The following RYR2 variants were observed in gnomAD, a reference collection of about 807,000 sequenced individuals.
The protein encoded by RYR2 is cardiac muscle ryanodine receptor-calcium release channel.
A neutral mutation model predicts 601.1 loss-of-function variants in RYR2; 227 were observed. The observed-to-expected ratio is 0.38, with a 90% CI of 0.34 to 0.42. The LOEUF is 0.42. RYR2 is among the 10% of genes least tolerant of loss of function. RYR2 has a pLI of 1.00. For synonymous variants in RYR2, 2,223 were observed against 2,175.1 expected (o/e 1.02, Z -0.61); for missense variants, 4,646 against 6,156.5 (o/e 0.75, Z 8.21).
intron 25 of RYR2, among the ~76,000 whole-genome samples, chr1:237,541,894 A>C (rs1017578046): frequency 6.6e-6 from 1 of 152,036 alleles, no homozygotes; most frequent in African/African-American, 2.4e-5. Context: ...TTTGTGGTGG[A>C]ATGTCATCAG....
intron 2 of RYR2, among the ~76,000 whole-genome samples, chr1:237,284,678 A>ATG (rs1558554539): frequency 2.5e-5 from 1 of 40,088 alleles, no homozygotes; most frequent in Non-Finnish European, 4.0e-5. Flanking sequence ...ATATATATAT[A>ATG]TATGTACACA....
At chr1:237,044,184 GGT>G (rs1491260214) in intron 1 of RYR2, among the ~76,000 whole-genome samples, 2 of 38,528 alleles carry the variant, frequency 5.2e-5, no homozygotes, top group Non-Finnish European at 1.1e-4. Context: ...AGACTATAAG[GGT>G]TTTTTTTTTT....
intron 23 of RYR2, among the ~76,000 whole-genome samples, chr1:237,510,367 G>GGA (rs1558943584): frequency 6.6e-6 from 1 of 152,128 alleles, no homozygotes. Context: ...GAGACAAAGT[G>GGA]GAGATGACCT....
At chr1:237,242,034 A>C (rs1455407834) in intron 1 of RYR2, among the ~76,000 whole-genome samples, 1 of 152,190 alleles carries the variant, frequency 6.6e-6, no homozygotes, top group East Asian at 1.9e-4. Context: ...GAAAAGGTGG[A>C]TAGTAGATAG....
chr1:237,462,498 T>C (rs1372768605), intron 16 of RYR2, among the ~76,000 whole-genome samples: 1 of 152,202 alleles, frequency 6.6e-6, no homozygotes, highest in African/African-American at 2.4e-5. Context: ...ATCTGTGGGA[T>C]GCTTACAAGA....
intron 3 of RYR2, among the ~76,000 whole-genome samples, chr1:237,339,450 T>A (rs531858114): frequency 6.6e-6 from 1 of 152,264 alleles, no homozygotes; most frequent in South Asian, 2.1e-4. Flanking sequence ...AACAGTAATA[T>A]ATGAGTATAA....
intron 87 of RYR2, among the ~76,000 whole-genome samples, chr1:237,774,693 C>T (rs1271499656): frequency 1.3e-5 from 2 of 152,164 alleles, no homozygotes; most frequent in Non-Finnish European, 1.5e-5. Flanking sequence ...CCTTACCTCT[C>T]CTGGCTTCCA....
chr1:237,112,556 T>C (rs1669606493), intron 1 of RYR2, among the ~76,000 whole-genome samples: 1 of 137,684 alleles, frequency 7.3e-6, no homozygotes, highest in Non-Finnish European at 1.5e-5. Context: ...ACCTCTTCTT[T>C]CTAAGCTACA....
chr1:237,789,264 A>G (rs985057549), intron 92 of RYR2, among the ~76,000 whole-genome samples: 1 of 152,146 alleles, frequency 6.6e-6, no homozygotes, highest in Non-Finnish European at 1.5e-5. Flanking sequence ...TCAATGAACT[A>G]TAGAATTTCA....
chr1:237,686,949 A>G (rs1245360541), intron 62 of RYR2, among the ~76,000 whole-genome samples: 2 of 152,168 alleles, frequency 1.3e-5, no homozygotes, highest in South Asian at 2.1e-4. Flanking sequence ...AAGGTTGGGG[A>G]CGAAGGAGAT....
intron 80 of RYR2, among the ~76,000 whole-genome samples, chr1:237,752,164 A>C (rs556118606): frequency 6.6e-6 from 1 of 152,294 alleles, no homozygotes; most frequent in Admixed American, 6.5e-5. Flanking sequence ...CGCTCTCTTC[A>C]TGGATCTTCT....
chr1:237,778,820 G>A, intron 88 of RYR2, 50 bp downstream of exon 88: 2 of 856,368 alleles, frequency 2.3e-6, no homozygotes, highest in South Asian at 1.4e-5. Context: ...ACTGGAGACT[G>A]TAATCATCAG....
chr1:237,822,456 A>G (rs867678098), intron 101 of RYR2, among the ~76,000 whole-genome samples: 1 of 152,214 alleles, frequency 6.6e-6, no homozygotes, highest in Non-Finnish European at 1.5e-5. Flanking sequence ...GAGTAATAAA[A>G]TCCTTTACAG....
At chr1:237,437,127 C>T (rs1167696368) in intron 12 of RYR2, among the ~76,000 whole-genome samples, 2 of 151,918 alleles carry the variant, frequency 1.3e-5, no homozygotes, top group East Asian at 1.9e-4. Flanking sequence ...TCACTGCAAG[C>T]TCTGCCTCCT....
intron 43 of RYR2, 24 bp from the exon 44 acceptor site, chr1:237,634,865 T>A: frequency 6.4e-7 from 1 of 1,563,200 alleles, no homozygotes; most frequent in Non-Finnish European, 8.7e-7. Flanking sequence ...CCAGGTTATA[T>A]TTCATCTTCA....
rs568422596 is a variant in RYR2, at chr1:237,610,096, G to T, written c.4684-666G>T. On this transcript the variant is annotated intron_variant, in intron 35 of 104. Coordinates refer to ENST00000366574, the MANE Select transcript of RYR2 (RefSeq NM_001035.3). This position sits in a 1 kb window ranked among gnomAD's most constrained non-coding sequence, Gnocchi z 4.9. ...TATGGTCCCATAAGAGGCAGGCATC[G>T]GTGTTGTCAAGATCATAGATAAATG... Among the ~76,000 whole-genome samples, 21 of 152,078 alleles carry T rather than the reference G, an allele frequency of 1.4e-4. No homozygotes were observed. The highest frequency in any genetic ancestry group is 3.1e-4 in the Non-Finnish European group (21 of 68,024).
rs188213276 is a variant in RYR2 at position 237,294,951 on chromosome 1, C to T, written c.168+24335C>T. ...CTTATAGGCCAGGCATGGTGGCTTA[C>T]GCCTATAATCCCAGCAGTTTGGGAG... On this transcript the variant is annotated intron_variant, in intron 2 of 104. Transcript: ENST00000366574. Among the ~76,000 whole-genome samples the T allele has an allele frequency of 1.4e-3, 218 of 152,188 alleles. 1 individual carries two copies. The highest frequency in any genetic ancestry group is 5.0e-3 in the African/African-American group (209 of 41,514).
chr1:237,431,519 T>G (rs1706803962), intron 12 of RYR2, among the ~76,000 whole-genome samples: 1 of 152,204 alleles, frequency 6.6e-6, no homozygotes, highest in African/African-American at 2.4e-5. Flanking sequence ...TTAATAGAAT[T>G]TGGCAATAAT....
intron 94 of RYR2, among the ~76,000 whole-genome samples, chr1:237,793,163 C>G (rs1279928079): frequency 1.3e-5 from 2 of 152,170 alleles, no homozygotes; most frequent in Non-Finnish European, 2.9e-5. Flanking sequence ...GTGTGAAAAA[C>G]CAGGGCTCAG....
Sources: allele counts gnomAD v4.1 joint callset (sites outside exome capture counted in the v4.1 genomes callset), GRCh38; gene constraint gnomAD v4.1.1; non-coding constraint Gnocchi (gnomAD v3.1); transcripts MANE v1.5; gene names NCBI Gene and HGNC (gene_info 2026-07-23, HGNC 2026-07-21).